EFR3B: variants seen among roughly 807,000 people sequenced by gnomAD.
The protein encoded by EFR3B is protein EFR3 homolog B.
EFR3B carries 64 observed loss-of-function variants against 104.7 expected under a neutral mutation model. The ratio of observed to expected loss-of-function variants is 0.61; its 90% confidence interval spans 0.50 to 0.75. The LOEUF (loss-of-function observed/expected upper bound fraction) is 0.75. EFR3B is among the 30% of genes least tolerant of loss of function. The pLI is 0.00. For missense variants in EFR3B, 750 were observed against 1,078.5 expected (o/e 0.70, Z 4.27); for synonymous variants, 385 against 417.9 (o/e 0.92, Z 0.96).
chr2:25,127,258 G>A (rs1670194406), intron 5 of EFR3B, among the ~76,000 whole-genome samples: 1 of 145,572 alleles, frequency 6.9e-6, no homozygotes, highest in Non-Finnish European at 1.5e-5. Context: ...ATAGTCACTA[G>A]TTTAGAAAGG....
chr2:25,074,945 A>G (rs774869270), intron 1 of EFR3B, among the ~76,000 whole-genome samples: 4 of 152,106 alleles, frequency 2.6e-5, no homozygotes, highest in Non-Finnish European at 4.4e-5. Flanking sequence ...AAAACTTTTT[A>G]TTTTGAAATA....
At chr2:25,074,984 C>G (rs1000748698) in intron 1 of EFR3B, among the ~76,000 whole-genome samples, 10 of 152,080 alleles carry the variant, frequency 6.6e-5, no homozygotes, top group Non-Finnish European at 1.2e-4. Flanking sequence ...CAAAGAAATG[C>G]GCAGAGAGGT....
rs371823589 is a variant in EFR3B at position 25,096,424 on chromosome 2, C to T, written c.212+3294C>T. ...ATGGCAGTAGCCTTGGACATAGTCT[C>T]CCTGCTCCCTGTCTTTCCTGCTTTG... On this transcript the variant is annotated intron_variant, in intron 3 of 22. Transcript: ENST00000403714. Among the ~76,000 whole-genome samples, 14 of 152,308 alleles carry T rather than the reference C, an allele frequency of 9.2e-5. No homozygotes were observed. In the East Asian group the frequency reaches 2.7e-3, roughly 29 times the overall value.
At chr2:25,143,963 G>A in intron 18 of EFR3B, 101 bp downstream of exon 18, 3 of 1,431,364 alleles carry the variant, frequency 2.1e-6, no homozygotes, top group Non-Finnish European at 2.8e-6. Context: ...TTGCCTGTGA[G>A]GCACCTTGGA....
intron 4 of EFR3B, among the ~76,000 whole-genome samples, chr2:25,110,566 C>G (rs748296141): frequency 1.8e-4 from 27 of 152,198 alleles, no homozygotes; most frequent in Non-Finnish European, 3.7e-4. Flanking sequence ...CCGGAGCCTC[C>G]CTGCATCCAT....
In EFR3B at chr2:25,158,006, T is replaced by C. The variant is rs142054308; in HGVS notation, c.*3666T>C. The C allele has an allele frequency of 1.3e-4, 20 of 152,408 alleles. No homozygotes were observed. The highest frequency in any genetic ancestry group is 4.1e-4 in the African/African-American group (17 of 41,570). 9.4% of individuals were successfully genotyped at this position (152,408 alleles called of 1,614,324 possible). On this transcript the variant is annotated 3_prime_UTR_variant, in exon 23 of 23. Coordinates refer to ENST00000403714, the MANE Select transcript of EFR3B (RefSeq NM_014971.2). ...AGTACTTGAAGAAGCACAAGTGTCA[T>C]AGATGTGCCGCCCTTTGCCCTGGGT...
chr2:25,062,936 T>C (rs538733971), intron 1 of EFR3B, among the ~76,000 whole-genome samples: 3 of 143,318 alleles, frequency 2.1e-5, no homozygotes, highest in Admixed American at 6.9e-5. Context: ...TTTTCTTTTT[T>C]TTTTTTGAGA....
intron 1 of EFR3B, among the ~76,000 whole-genome samples, chr2:25,073,089 A>T (rs1057200642): frequency 6.6e-6 from 1 of 152,268 alleles, no homozygotes; most frequent in African/African-American, 2.4e-5. Flanking sequence ...TGAAGCATAC[A>T]TTCACAACGA....
chr2:25,042,247 C>A lies in EFR3B; in HGVS notation c.-66C>A. The stretch of plus-strand genomic sequence containing the variant: ...CCCGACTGTGAATGAAAGGCGGGCG[C>A]CGCCGAGGGCTGGCTGGGAACGCCG... On this transcript the variant is annotated 5_prime_UTR_variant, in exon 1 of 23. Coordinates refer to ENST00000403714, the MANE Select transcript of EFR3B (RefSeq NM_014971.2). This position sits in a 1 kb window ranked among gnomAD's most constrained non-coding sequence, Gnocchi z 5.4. The A allele has an allele frequency of 7.7e-7, 1 of 1,299,328 alleles. No individual in the cohort carries two copies. The highest frequency in any genetic ancestry group is 9.8e-7 in the Non-Finnish European group (1 of 1,024,034). The allele number at this position is 1,299,328 out of a possible 1,614,324, so 80.5% of individuals were successfully genotyped here. A position where few individuals can be genotyped will look rare whatever the true frequency, so the allele number is the denominator to read the frequency against.
intron 1 of EFR3B, among the ~76,000 whole-genome samples, chr2:25,049,240 T>C (rs1354568413): frequency 2.6e-5 from 4 of 152,214 alleles, no homozygotes; most frequent in African/African-American, 9.6e-5. Context: ...ACATTCTTTA[T>C]TATTAGTGAA....
intron 3 of EFR3B, among the ~76,000 whole-genome samples, chr2:25,098,766 C>A (rs1269692701): frequency 1.3e-5 from 2 of 150,116 alleles, no homozygotes; most frequent in Non-Finnish European, 2.9e-5. Flanking sequence ...AGTTTCACTT[C>A]TACCATAATT....
At chr2:25,135,297 T>C (rs1670488557) in intron 12 of EFR3B, among the ~76,000 whole-genome samples, 170 bp from the exon 13 acceptor site, 1 of 152,126 alleles carries the variant, frequency 6.6e-6, no homozygotes, top group South Asian at 2.1e-4. Context: ...TAGGTGGATG[T>C]TGGAGTGTTC....
At chr2:25,079,326 A>T (rs1272981456) in intron 1 of EFR3B, among the ~76,000 whole-genome samples, 1 of 152,202 alleles carries the variant, frequency 6.6e-6, no homozygotes, top group Non-Finnish European at 1.5e-5. Context: ...AGAGCACAAG[A>T]TGAACTTGGG....
chr2:25,103,781 C>T lies in EFR3B; in HGVS notation c.357C>T (p.Thr119=). The part of the protein sequence containing the change: ...SEKPNLQILG[T]NSFVKFANIE... The stretch of plus-strand genomic sequence containing the variant: ...AACCCAACCTGCAGATCCTCGGCAC[C>T]AACTCGGTAAGGAGCGGCCCAGGGG... Residue 119 remains threonine, a synonymous_variant, in exon 4 of 23, where the codon ACC becomes ACT. Coordinates refer to ENST00000403714, the MANE Select transcript of EFR3B (RefSeq NM_014971.2). The T allele has an allele frequency of 1.9e-6, 3 of 1,551,356 alleles. No individual in the cohort carries two copies. The highest frequency in any genetic ancestry group is 2.6e-6 in the Non-Finnish European group (3 of 1,146,798).
intron 1 of EFR3B, among the ~76,000 whole-genome samples, chr2:25,090,932 G>C (rs750402904): frequency 6.6e-6 from 1 of 152,146 alleles, no homozygotes; most frequent in Non-Finnish European, 1.5e-5. Context: ...TTCCTGTCCC[G>C]GAAACGTGAG....
chr2:25,149,614 G>A (rs1670946300), intron 19 of EFR3B, 80 bp from the exon 20 acceptor site: 2 of 1,410,690 alleles, frequency 1.4e-6, no homozygotes, highest in Non-Finnish European at 2.0e-6. Context: ...GCAAGGGGCT[G>A]CCAGAGAGCT....
chr2:25,091,847 G>T (rs1416823756), intron 2 of EFR3B, among the ~76,000 whole-genome samples: 1 of 152,138 alleles, frequency 6.6e-6, no homozygotes, highest in Non-Finnish European at 1.5e-5. Flanking sequence ...AGGTGTCTAG[G>T]GGCACACACA....
intron 1 of EFR3B, among the ~76,000 whole-genome samples, chr2:25,044,696 A>G (rs535865113): frequency 5.3e-5 from 8 of 152,220 alleles, no homozygotes; most frequent in African/African-American, 1.9e-4. Context: ...GCCGAAAGTC[A>G]CCTAAGAGCT....
chr2:25,072,498 T>G (rs1478016802), intron 1 of EFR3B, among the ~76,000 whole-genome samples: 1 of 152,112 alleles, frequency 6.6e-6, no homozygotes, highest in African/African-American at 2.4e-5. Flanking sequence ...CCTGCGCTGG[T>G]CTTGAACTCC....
Sources: allele counts gnomAD v4.1 joint callset (sites outside exome capture counted in the v4.1 genomes callset), GRCh38; gene constraint gnomAD v4.1.1; non-coding constraint Gnocchi (gnomAD v3.1); transcripts MANE v1.5; gene names NCBI Gene and HGNC (gene_info 2026-07-23, HGNC 2026-07-21).